CHTF8: variants seen among roughly 807,000 people sequenced by gnomAD.
CHTF8 encodes the protein chromosome transmission fidelity protein 8 homolog.
CHTF8 carries 6 observed loss-of-function variants against 11.0 expected under a neutral mutation model. The observed-to-expected ratio is 0.55, with a 90% CI of 0.30 to 1.08. The LOEUF (loss-of-function observed/expected upper bound fraction) is 1.08, where lower values mean the gene tolerates loss of function less well. Ranked by LOEUF, CHTF8 falls within the 50% of genes least tolerant of loss-of-function variation. CHTF8 has a pLI of 0.07. For missense variants in CHTF8, 140 were observed against 153.1 expected (o/e 0.91, Z 0.45); for synonymous variants, 53 against 60.5 (o/e 0.88, Z 0.57).
At chr16:69,124,362 A>T (rs572835468) in intron 1 of CHTF8, among the ~76,000 whole-genome samples, 1 of 152,188 alleles carries the variant, frequency 6.6e-6, no homozygotes, top group Non-Finnish European at 1.5e-5. Flanking sequence ...TAGTATGGAA[A>T]GTTAATAGGT....
At position 69,132,545 on chromosome 16, in the gene CHTF8, C is replaced by CCGCCGT. The variant is rs1325547360; in HGVS notation, c.-103_-98dup. ...CAACGGGCGACAACCGAACCTCCCG[C>CCGCCGT]CGCCGTCGCCGCCGCCGCGAGCACT... On this transcript the variant is annotated 5_prime_UTR_variant, in exon 1 of 4. Coordinates refer to ENST00000448552, the MANE Select transcript of CHTF8 (RefSeq NM_001039690.5). 8.3e-6 allele frequency: 3 copies of CCGCCGT among 359,986 alleles called. No homozygotes were observed. Among genetic ancestry groups the CCGCCGT allele is most frequent in the South Asian group, 1.9e-5 (1 of 53,198 alleles). The allele number at this position is 359,986 out of a possible 1,614,324, so 22.3% of individuals were successfully genotyped here. A position where few individuals can be genotyped will look rare whatever the true frequency, so the allele number is the denominator to read the frequency against.
At chr16:69,126,975 G>C (rs553799608) in intron 1 of CHTF8, among the ~76,000 whole-genome samples, 1 of 152,062 alleles carries the variant, frequency 6.6e-6, no homozygotes, top group Non-Finnish European at 1.5e-5. Context: ...GGCCGGGCGC[G>C]GTGGCTCATG....
At chr16:69,123,953 A>T (rs1419535242) in intron 1 of CHTF8, among the ~76,000 whole-genome samples, 2 of 151,058 alleles carry the variant, frequency 1.3e-5, no homozygotes, top group African/African-American at 4.9e-5. Flanking sequence ...AAAAACAAAA[A>T]ATTAGCTGGG....
rs1961482407 is a variant in CHTF8 at position 69,119,764 on chromosome 16, G to C, written c.*661C>G. 1.4e-6 allele frequency: 1 copy of C among 698,124 alleles called. No individual in the cohort carries two copies. Among genetic ancestry groups the C allele is most frequent in the Non-Finnish European group, 2.6e-6 (1 of 382,082 alleles). 43.2% of individuals were successfully genotyped at this position (698,124 alleles called of 1,614,324 possible). Reference sequence around the variant, plus strand: ...TGGAAACACACCTGACCTGGGGGCAGGGTTTGTCCCTAAAAAGCCTGATCT... The same window carrying C: ...TGGAAACACACCTGACCTGGGGGCACGGTTTGTCCCTAAAAAGCCTGATCT... On this transcript the variant is annotated 3_prime_UTR_variant, in exon 4 of 4. Coordinates refer to ENST00000448552, the MANE Select transcript of CHTF8 (RefSeq NM_001039690.5).
chr16:69,128,764 A>G (rs1413054029), intron 1 of CHTF8, among the ~76,000 whole-genome samples: 1 of 152,082 alleles, frequency 6.6e-6, no homozygotes, highest in African/African-American at 2.4e-5. Flanking sequence ...TGAAATTAGT[A>G]ACTATTATTA....
Position 69,119,683 on chromosome 16 carries a change from A to AGCT in CHTF8, c.*741_*742insAGC. The AGCT allele has an allele frequency of 1.5e-6, 1 of 675,726 alleles. No individual in the cohort carries two copies. The highest frequency in any genetic ancestry group is 1.5e-5 in the South Asian group (1 of 64,654). 41.9% of individuals were successfully genotyped at this position (675,726 alleles called of 1,614,324 possible). A position where few individuals can be genotyped will look rare whatever the true frequency, so the allele number is the denominator to read the frequency against. On this transcript the variant is annotated 3_prime_UTR_variant, in exon 4 of 4. Coordinates refer to ENST00000448552, the MANE Select transcript of CHTF8 (RefSeq NM_001039690.5). ...CAAGAGGCCACCTGCTCTGGCATCT[A>AGCT]GATTAGGGCCTGGGCCCAGGCCACT...
At chr16:69,125,825 T>C in intron 1 of CHTF8, among the ~76,000 whole-genome samples, 1 of 152,248 alleles carries the variant, frequency 6.6e-6, no homozygotes, top group Admixed American at 6.5e-5. Context: ...ACCTCTTTAC[T>C]GTGTAGTCAA....
intron 1 of CHTF8, among the ~76,000 whole-genome samples, chr16:69,121,904 C>T (rs1240379002): frequency 1.3e-5 from 2 of 152,146 alleles, no homozygotes; most frequent in Admixed American, 6.5e-5. Flanking sequence ...CTCCTGACCT[C>T]GTGATCCACC....
intron 1 of CHTF8, among the ~76,000 whole-genome samples, chr16:69,127,928 T>G (rs1429757173): frequency 6.8e-6 from 1 of 146,952 alleles, no homozygotes; most frequent in Non-Finnish European, 1.5e-5. Context: ...CTTTCTTCTT[T>G]TTTTGAGACA....
Position 69,121,571 on chromosome 16 carries a change from G to A in CHTF8, c.-35-78C>T, listed in dbSNP as rs999918454. ...ACACCTAATGCAACCTCCACCTCCC[G>A]GGTTCAATCGATTCTCCTGCCTCAG... On this transcript the variant is annotated intron_variant, in intron 1 of 3. Coordinates refer to ENST00000448552, the MANE Select transcript of CHTF8 (RefSeq NM_001039690.5). The A allele has an allele frequency of 4.6e-5, 38 of 819,312 alleles. 1 individual carries two copies. In the South Asian group the frequency reaches 5.3e-4, roughly 12 times the overall value. The allele number at this position is 819,312 out of a possible 1,614,324, so 50.8% of individuals were successfully genotyped here.
chr16:69,132,245 C>G (rs1486705654), intron 1 of CHTF8: 7 of 150,060 alleles, frequency 4.7e-5, no homozygotes, highest in Admixed American at 4.7e-4. Flanking sequence ...GCCCTCCCAC[C>G]CCGGAGGCCC....
intron 1 of CHTF8, among the ~76,000 whole-genome samples, chr16:69,127,856 C>T (rs1265966113): frequency 2.6e-5 from 4 of 151,988 alleles, no homozygotes; most frequent in Non-Finnish European, 4.4e-5. Flanking sequence ...GTGATCTGCC[C>T]ACCTTGGCCT....
Position 69,120,478 on chromosome 16 carries a change from G to A in CHTF8, c.313C>T (p.Leu105Phe). Residue 105 changes from leucine (L) to phenylalanine (F), a missense_variant, in exon 4 of 4, where the codon CTT becomes TTT. Physicochemically the swap from Leu to Phe is conservative, Grantham distance 22. Transcript: ENST00000448552. This position sits in a 1 kb window ranked among gnomAD's most constrained non-coding sequence, Gnocchi z 4.0. ...ATGGGCTTGGGGCGGGTTTTGAAAA[G>A]GATCTTGTCTTTGATGAGTGCTGTC... is the stretch of plus-strand genomic sequence containing the variant. ...LVTALIKDKI[L>F]FKTRPKPIIT... 1 of 1,614,138 alleles carries A rather than the reference G, an allele frequency of 6.2e-7. No individual in the cohort carries two copies.
chr16:69,125,336 AT>A (rs1179682856), intron 1 of CHTF8, among the ~76,000 whole-genome samples: 1 of 152,162 alleles, frequency 6.6e-6, no homozygotes, highest in African/African-American at 2.4e-5. Flanking sequence ...TGATATAGGT[AT>A]TTATTCCTAT....
chr16:69,125,461 C>T (rs1383161943), intron 1 of CHTF8, among the ~76,000 whole-genome samples: 2 of 152,158 alleles, frequency 1.3e-5, no homozygotes, highest in Non-Finnish European at 2.9e-5. Flanking sequence ...TATCTACACT[C>T]ATAATCACTA....
intron 1 of CHTF8, among the ~76,000 whole-genome samples, chr16:69,122,365 C>CTTT (rs869246617): frequency 7.1e-6 from 1 of 140,424 alleles, no homozygotes; most frequent in Admixed American, 7.2e-5. Context: ...TAAGGATATT[C>CTTT]TTTTTTTTTT....
At chr16:69,130,501 T>A (rs549573230) in intron 1 of CHTF8, among the ~76,000 whole-genome samples, 1 of 152,238 alleles carries the variant, frequency 6.6e-6, no homozygotes, top group African/African-American at 2.4e-5. Context: ...TTTACGAATA[T>A]AGTGAAGCAC....
In CHTF8 at chr16:69,119,298, T is replaced by C. The variant is rs1359997278; in HGVS notation, c.*1127A>G. On this transcript the variant is annotated 3_prime_UTR_variant, in exon 4 of 4. Coordinates refer to ENST00000448552, the MANE Select transcript of CHTF8 (RefSeq NM_001039690.5). ...GGAAGGTAGCTGGGTTTGATGCCAATGTGCCAGAAGACTGAGAAAAGGCAG... is the reference window on the plus strand; with the variant it reads ...GGAAGGTAGCTGGGTTTGATGCCAACGTGCCAGAAGACTGAGAAAAGGCAG... 1 of 703,050 alleles carries C rather than the reference T, an allele frequency of 1.4e-6. No individual in the cohort carries two copies. The allele number at this position is 703,050 out of a possible 1,614,324, so 43.6% of individuals were successfully genotyped here.
chr16:69,121,414 T>C, intron 2 of CHTF8, 22 bp downstream of exon 2: 4 of 1,596,284 alleles, frequency 2.5e-6, no homozygotes, highest in Middle Eastern at 1.7e-4. Context: ...AGCCAAATTT[T>C]AAAATCTCAA....
Sources: gnomAD v4.1 joint callset for allele counts (sites outside exome capture counted in the v4.1 genomes callset) on GRCh38, gnomAD v4.1.1 for gene constraint, Gnocchi (gnomAD v3.1) non-coding constraint, MANE v1.5 for transcripts, NCBI Gene and HGNC (gene_info 2026-07-23, HGNC 2026-07-21) for gene names.